The following SUGCT variants were observed in gnomAD, a reference collection of about 807,000 sequenced individuals.
SUGCT encodes the protein succinyl-CoA:glutarate CoA-transferase.
A neutral mutation model predicts 55.0 loss-of-function variants in SUGCT; 41 were observed. That is an observed-to-expected ratio of 0.74 (90% CI 0.58 to 0.97). The LOEUF is 0.97. SUGCT is among the 50% of genes least tolerant of loss of function. The pLI is 0.00. For missense variants in SUGCT, 568 were observed against 547.8 expected (o/e 1.04, Z -0.37); for synonymous variants, 187 against 200.4 (o/e 0.93, Z 0.56).
intron 12 of SUGCT, among the ~76,000 whole-genome samples, chr7:40,594,437 T>TCC (rs757566992): frequency 3.9e-5 from 6 of 152,112 alleles, no homozygotes; most frequent in Non-Finnish European, 8.8e-5. Context: ...CCTTTTCATA[T>TCC]CCAGTTATTA....
intron 13 of SUGCT, among the ~76,000 whole-genome samples, chr7:40,856,875 A>C (rs551724824): frequency 1.3e-5 from 2 of 152,216 alleles, no homozygotes; most frequent in Non-Finnish European, 2.9e-5. Context: ...AAAATCAAAC[A>C]AAATTCCCAC....
At chr7:40,997,288 C>T in the SUGCT span, among the ~76,000 whole-genome samples, 1 of 152,170 alleles carries the variant, frequency 6.6e-6, no homozygotes, top group Non-Finnish European at 1.5e-5. Context: ...ATATGCACAC[C>T]CACTGCCACT....
At chr7:40,709,607 G>A (rs1010728159) in intron 12 of SUGCT, among the ~76,000 whole-genome samples, 5 of 152,302 alleles carry the variant, frequency 3.3e-5, no homozygotes, top group Non-Finnish European at 7.3e-5. Flanking sequence ...GCATGGAGAA[G>A]TAACTGGAGA....
chr7:40,950,872 A>C, the SUGCT span, among the ~76,000 whole-genome samples: 2 of 152,138 alleles, frequency 1.3e-5, no homozygotes, highest in African/African-American at 4.8e-5. Context: ...TATTTTATTG[A>C]GGATTTTTGC....
At chr7:40,935,407 C>T in the SUGCT span, among the ~76,000 whole-genome samples, 3 of 152,270 alleles carry the variant, frequency 2.0e-5, no homozygotes, top group East Asian at 3.9e-4. Context: ...TTTGTCACTC[C>T]AATTCCTTCC....
chr7:41,032,629 T>C, the SUGCT span, among the ~76,000 whole-genome samples: 1 of 152,126 alleles, frequency 6.6e-6, no homozygotes, highest in Non-Finnish European at 1.5e-5. Flanking sequence ...CAGAGAAAAA[T>C]AAACTGGCTA....
At chr7:40,651,221 G>A (rs1800761709) in intron 12 of SUGCT, among the ~76,000 whole-genome samples, 1 of 152,126 alleles carries the variant, frequency 6.6e-6, no homozygotes, top group Non-Finnish European at 1.5e-5. Flanking sequence ...CAGTGTAAAA[G>A]CATTCCTATC....
At chr7:40,851,518 T>G (rs1793851969) in intron 13 of SUGCT, among the ~76,000 whole-genome samples, 1 of 152,172 alleles carries the variant, frequency 6.6e-6, no homozygotes, top group South Asian at 2.1e-4. Context: ...TAATTCTGGC[T>G]TCCATGAAGT....
intron 13 of SUGCT, among the ~76,000 whole-genome samples, chr7:40,764,538 T>C (rs1788684050): frequency 6.6e-6 from 1 of 151,934 alleles, no homozygotes; most frequent in Non-Finnish European, 1.5e-5. Flanking sequence ...ATATAAATGG[T>C]ATATTAGTAC....
At chr7:40,385,419 T>A (rs1365947160) in intron 9 of SUGCT, among the ~76,000 whole-genome samples, 1 of 152,148 alleles carries the variant, frequency 6.6e-6, no homozygotes, top group Admixed American at 6.5e-5. Context: ...TTAAGTGAGA[T>A]GAGTACTTTA....
chr7:40,205,415 G>A (rs1353123151), intron 6 of SUGCT, among the ~76,000 whole-genome samples: 3 of 151,856 alleles, frequency 2.0e-5, no homozygotes, highest in Non-Finnish European at 4.4e-5. Context: ...GCCAAGGTGG[G>A]CAGATCATCT....
chr7:40,314,941 A>C (rs549697101), intron 8 of SUGCT, among the ~76,000 whole-genome samples: 2 of 152,290 alleles, frequency 1.3e-5, no homozygotes, highest in East Asian at 3.9e-4. Context: ...CCTTGTAAGC[A>C]CGTTGAAGAT....
the SUGCT span, among the ~76,000 whole-genome samples, chr7:40,935,550 C>G: frequency 6.6e-6 from 1 of 152,134 alleles, no homozygotes; most frequent in Non-Finnish European, 1.5e-5. Flanking sequence ...ATAATGCTTT[C>G]AAGGTTCATT....
chr7:40,135,946 A>G (rs1351654664), intron 1 of SUGCT, among the ~76,000 whole-genome samples: 1 of 150,010 alleles, frequency 6.7e-6, no homozygotes, highest in African/African-American at 2.5e-5. Flanking sequence ...CGTAATCTCT[A>G]TGATTATGCG....
In SUGCT at chr7:40,281,928, C is replaced by T. The variant is rs186420490; in HGVS notation, c.720+7272C>T. On this transcript the variant is annotated intron_variant, in intron 8 of 13. Transcript: ENST00000335693. ...CTCTGCCTCCCAGGTGCAAATGACT[C>T]TCCTGCCTCAGCCTCCCAAGTAGCT... Among the ~76,000 whole-genome samples, 40 of 152,236 alleles carry T rather than the reference C, an allele frequency of 2.6e-4. 3 individuals carry two copies. The East Asian group carries it at 2.9e-3, about 11-fold the overall frequency.
chr7:40,863,736 G>C (rs1169206175), downstream of SUGCT, among the ~76,000 whole-genome samples: 6 of 152,060 alleles, frequency 3.9e-5, no homozygotes, highest in Admixed American at 6.6e-5. Context: ...GAGACTCCCT[G>C]ATGTAGTGAG....
the SUGCT span, among the ~76,000 whole-genome samples, chr7:40,956,566 A>T: frequency 5.3e-5 from 8 of 152,282 alleles, no homozygotes; most frequent in African/African-American, 1.9e-4. Flanking sequence ...TTTTCAAAAA[A>T]CGAGCTCCTG....
intron 13 of SUGCT, among the ~76,000 whole-genome samples, chr7:40,783,120 C>G (rs991297594): frequency 2.0e-5 from 3 of 152,104 alleles, no homozygotes; most frequent in Non-Finnish European, 2.9e-5. Flanking sequence ...AGTGAGACAC[C>G]CAGCCAGAAA....
chr7:40,831,926 G>A (rs1027525367), intron 13 of SUGCT, among the ~76,000 whole-genome samples: 20 of 152,194 alleles, frequency 1.3e-4, no homozygotes, highest in African/African-American at 4.3e-4. Context: ...CCCAGAGGAG[G>A]AGTCTTCTGG....
Sources: gnomAD v4.1 joint callset for allele counts (sites outside exome capture counted in the v4.1 genomes callset) on GRCh38, gnomAD v4.1.1 for gene constraint, MANE v1.5 for transcripts, NCBI Gene and HGNC (gene_info 2026-07-23, HGNC 2026-07-21) for gene names.